Variants in CDKL2 observed in about 807,000 individuals in gnomAD.
CDKL2 encodes the protein cyclin dependent kinase like 2, also known as cyclin-dependent kinase-like 2.
In CDKL2, 64 loss-of-function variants were observed where a neutral mutation model predicts 63.9. The ratio of observed to expected loss-of-function variants is 1.00; its 90% CI spans 0.82 to 1.23. CDKL2 has a LOEUF of 1.23. Ranked by LOEUF, CDKL2 falls within the 50% of genes most tolerant of loss-of-function variation. CDKL2 has a pLI of 0.00. For missense variants in CDKL2, 656 were observed against 668.0 expected, an observed-to-expected ratio of 0.98 and a Z score of 0.20; for synonymous variants, 211 against 229.2, an observed-to-expected ratio of 0.92 and a Z score of 0.72.
In CDKL2 at chr4:75,592,805, T is replaced by G. The variant is rs1374583063; in HGVS notation, c.1417-536A>C. 5.9e-5 allele frequency among the ~76,000 whole-genome samples: 9 copies of G among 152,336 alleles called. No individual in the cohort carries two copies. In the South Asian group the frequency reaches 1.2e-3, roughly 21 times the overall value. ...AATACTATCTTCCCAGGAATACAAT[T>G]TATTAAGACACAGAAAGAATTATAA... On this transcript the variant is annotated intron_variant, in intron 10 of 13. Coordinates refer to ENST00000307465, the MANE Select transcript of CDKL2 (RefSeq NM_001330724.2).
chr4:75,580,615 C>T (rs1227337834), intron 13 of CDKL2, among the ~76,000 whole-genome samples: 2 of 144,600 alleles, frequency 1.4e-5, no homozygotes, highest in African/African-American at 5.1e-5. Flanking sequence ...TGCAGTGAGC[C>T]GAGATCACGC....
At chr4:75,582,552 A>T (rs557324847) in intron 12 of CDKL2, among the ~76,000 whole-genome samples, 2 of 152,260 alleles carry the variant, frequency 1.3e-5, no homozygotes, top group South Asian at 4.1e-4. Context: ...AGAAAATACT[A>T]AATGGTCTAC....
At chr4:75,607,437 G>T (rs975759609) in intron 3 of CDKL2, 76 bp from the exon 4 acceptor site, 6 of 1,125,934 alleles carry the variant, frequency 5.3e-6, no homozygotes, top group South Asian at 1.6e-5. Context: ...GCAGGGCATT[G>T]TATGTTGTCC....
intron 10 of CDKL2, among the ~76,000 whole-genome samples, chr4:75,594,463 T>C (rs866361286): frequency 6.6e-6 from 1 of 150,692 alleles, no homozygotes; most frequent in Non-Finnish European, 1.5e-5. Flanking sequence ...AAAAAAAAAA[T>C]TATTTTTTCT....
intron 2 of CDKL2, among the ~76,000 whole-genome samples, chr4:75,615,041 A>G (rs1729874940): frequency 6.9e-6 from 1 of 144,174 alleles, no homozygotes; most frequent in Non-Finnish European, 1.5e-5. Context: ...AGCATTGGGG[A>G]AGGGCTGGAT....
chr4:75,622,479 G>A (rs1375000383), intron 2 of CDKL2, among the ~76,000 whole-genome samples: 2 of 151,936 alleles, frequency 1.3e-5, no homozygotes, highest in Non-Finnish European at 2.9e-5. Flanking sequence ...CCAACACTTT[G>A]GGAAGCCAAA....
At chr4:75,581,699 C>A (rs1728270201) in intron 13 of CDKL2, 111 bp downstream of exon 13, 1 of 580,728 alleles carries the variant, frequency 1.7e-6, no homozygotes. Context: ...CAGAAGTTCT[C>A]ATGGAATCAA....
In CDKL2 at chr4:75,581,866, C is replaced by A. The variant is rs755030798; in HGVS notation, c.1680G>T (p.Gly560=). 5.6e-6 allele frequency: 9 copies of A among 1,612,722 alleles called. No individual in the cohort carries two copies. Among genetic ancestry groups the A allele is most frequent in the African/African-American group, 1.3e-5 (1 of 74,860 alleles). ...VSGPPLSDDS[G]ADLPQMEHQH ...GGTGTTCCATTTGAGGCAAATCAGC[C>A]CCTGAATCATCTGACAGGGGAGGTC... Residue 560 remains glycine, a synonymous_variant, in exon 13 of 14, where the codon GGG becomes GGT. Transcript: ENST00000307465.
intron 4 of CDKL2, among the ~76,000 whole-genome samples, chr4:75,606,003 A>C (rs1200721422): frequency 6.6e-6 from 1 of 152,212 alleles, no homozygotes; most frequent in Non-Finnish European, 1.5e-5. Flanking sequence ...GCCTTCTGAA[A>C]AGCCAAAACA....
At chr4:75,598,844 T>C (rs970531433) in intron 7 of CDKL2, among the ~76,000 whole-genome samples, 6 of 152,200 alleles carry the variant, frequency 3.9e-5, no homozygotes, top group Admixed American at 2.6e-4. Flanking sequence ...AGAAAAACTA[T>C]GGTTATTAAG....
intron 1 of CDKL2, among the ~76,000 whole-genome samples, chr4:75,628,781 T>G (rs1474332149): frequency 1.3e-5 from 2 of 152,170 alleles, no homozygotes; most frequent in South Asian, 4.1e-4. Context: ...TCTAGCAAAC[T>G]ATGCTAATCC....
At chr4:75,607,419 T>G (rs1729469710) in intron 3 of CDKL2, 58 bp from the exon 4 acceptor site, 5 of 1,370,812 alleles carry the variant, frequency 3.6e-6, no homozygotes, top group Non-Finnish European at 5.1e-6. Flanking sequence ...TTGGGGCACC[T>G]GCTATGTGCA....
chr4:75,587,885 C>CA (rs1455031235), intron 12 of CDKL2, among the ~76,000 whole-genome samples: 25 of 133,938 alleles, frequency 1.9e-4, no homozygotes, highest in Middle Eastern at 8.3e-3. Flanking sequence ...GCCTGGGCGA[C>CA]AGATCAAGAT....
rs1246917902 is a variant in CDKL2, at chr4:75,578,890, A to G, written c.*312T>C. ...GTAACTTAAAATATACAATCTCCTAACAGTAAATACACATTCATGTAACAA... is the reference window on the plus strand; with the variant it reads ...GTAACTTAAAATATACAATCTCCTAGCAGTAAATACACATTCATGTAACAA... On this transcript the variant is annotated 3_prime_UTR_variant, in exon 14 of 14. Transcript: ENST00000307465. The G allele has an allele frequency of 6.6e-6, 1 of 152,626 alleles. No individual in the cohort carries two copies. Among genetic ancestry groups the G allele is most frequent in the Non-Finnish European group, 1.5e-5 (1 of 68,030 alleles). The allele number at this position is 152,626 out of a possible 1,614,324, so 9.5% of individuals were successfully genotyped here. A position where few individuals can be genotyped will look rare whatever the true frequency, so the allele number is the denominator to read the frequency against.
intron 2 of CDKL2, 41 bp from the exon 3 acceptor site, chr4:75,614,490 C>A (rs751484711): frequency 5.5e-6 from 7 of 1,272,834 alleles, no homozygotes; most frequent in East Asian, 2.4e-5. Flanking sequence ...TTTAAAAATG[C>A]AAAATAGTTT....
Position 75,597,026 on chromosome 4 carries a change from C to T in CDKL2, c.1231G>A (p.Ala411Thr), listed in dbSNP as rs1260102318. 1 of 1,614,160 alleles carries T rather than the reference C, an allele frequency of 6.2e-7. No individual in the cohort carries two copies. Among genetic ancestry groups the T allele is most frequent in the South Asian group, 1.1e-5 (1 of 91,080 alleles). ...SVDHTRNPSV[A>T]IPPLTHNLSA... ...AGATTGTGTGTAAGTGGGGGAATTG[C>T]CACGCTTGGATTCCTTGTGTGGTCC... Residue 411 changes from alanine to threonine, a missense_variant, in exon 9 of 14, where the codon GCA becomes ACA. Ala to Thr is a moderately conservative substitution (Grantham distance 58, BLOSUM62 0). Coordinates refer to ENST00000307465, the MANE Select transcript of CDKL2 (RefSeq NM_001330724.2).
rs78666768 is a variant in CDKL2, at chr4:75,583,568, C to T, written c.1648-1670G>A. Among the ~76,000 whole-genome samples, 702 of 152,232 alleles carry T rather than the reference C, an allele frequency of 4.6e-3. 7 individuals carry two copies. Among genetic ancestry groups the T allele is most frequent in the African/African-American group, 0.015 (624 of 41,538 alleles). On this transcript the variant is annotated intron_variant, in intron 12 of 13. Transcript: ENST00000307465. ...GCAATCTTACAGACAGCTGCAACCC[C>T]CAGGGATACAATAAAGGCTCCAACA...
intron 1 of CDKL2, among the ~76,000 whole-genome samples, chr4:75,627,720 A>ACTTTT (rs60928350): frequency 0.74 from 98,312 of 133,004 alleles, 35,514 homozygotes; most frequent in East Asian, 0.84. Context: ...ATTTTTCTTT[A>ACTTTT]CTTTTTTTTT....
Position 75,630,040 on chromosome 4 carries a change from A to G in CDKL2, c.-30+2T>C, listed in dbSNP as rs952366808. On this transcript the variant is annotated splice_donor_variant, in intron 1 of 13. Coordinates refer to ENST00000307465, the MANE Select transcript of CDKL2 (RefSeq NM_001330724.2). LOFTEE classifies it low-confidence loss of function (5UTR_SPLICE). ...AGAAGCTTTAAAACGTACTATACTTACCGTTTCTTCAATCCGTTCGCATAG... is the reference window on the plus strand; with the variant it reads ...AGAAGCTTTAAAACGTACTATACTTGCCGTTTCTTCAATCCGTTCGCATAG... The G allele has an allele frequency of 3.3e-5, 5 of 151,844 alleles. No individual in the cohort carries two copies. The Admixed American group carries it at 3.3e-4, about 10-fold the overall frequency. 9.4% of individuals were successfully genotyped at this position (151,844 alleles called of 1,614,324 possible). A position where few individuals can be genotyped will look rare whatever the true frequency, so the allele number is the denominator to read the frequency against.
Sources: allele counts gnomAD v4.1 joint callset (sites outside exome capture counted in the v4.1 genomes callset), GRCh38; gene constraint gnomAD v4.1.1; transcripts MANE v1.5; gene names NCBI Gene and HGNC (gene_info 2026-07-23, HGNC 2026-07-21).